CLEC9A: variants seen among roughly 807,000 people sequenced by gnomAD.
The protein encoded by CLEC9A is C-type lectin domain containing 9A, also known as C-type lectin domain family 9 member A.
Under a neutral mutation model 30.0 loss-of-function variants are expected in CLEC9A, and 24 were observed. That is an observed-to-expected ratio of 0.80 (90% CI 0.58 to 1.13). CLEC9A has a LOEUF of 1.13. CLEC9A is among the 50% of genes most tolerant of loss of function. The pLI, the probability that CLEC9A is intolerant of heterozygous loss-of-function variation, is 0.00. For synonymous variants in CLEC9A, 111 were observed against 96.8 expected, an observed-to-expected ratio of 1.15 and a Z score of -0.86; for missense variants, 251 against 280.9, an observed-to-expected ratio of 0.89 and a Z score of 0.76.
At chr12:10,042,591 G>A (rs1473384925) in intron 2 of CLEC9A, among the ~76,000 whole-genome samples, 7 of 152,292 alleles carry the variant, frequency 4.6e-5, no homozygotes, top group Middle Eastern at 6.8e-3. Flanking sequence ...AGCTCAAGGA[G>A]CATAGATTTT....
At chr12:10,033,526 G>A (rs1865717827) in intron 1 of CLEC9A, among the ~76,000 whole-genome samples, 1 of 152,130 alleles carries the variant, frequency 6.6e-6, no homozygotes, top group Non-Finnish European at 1.5e-5. Context: ...TTCCCAATGA[G>A]TTTCTCCATC....
chr12:10,053,211 C>G (rs1160884107), intron 4 of CLEC9A, among the ~76,000 whole-genome samples: 3 of 152,192 alleles, frequency 2.0e-5, no homozygotes, highest in Non-Finnish European at 4.4e-5. Flanking sequence ...CGTTTAATAT[C>G]TATGTTAATT....
chr12:10,047,674 T>C (rs766145365), intron 2 of CLEC9A, among the ~76,000 whole-genome samples: 3 of 152,242 alleles, frequency 2.0e-5, no homozygotes, highest in Non-Finnish European at 4.4e-5. Flanking sequence ...CACTAATTAT[T>C]TGGCTTCCTA....
chr12:10,035,641 C>G (rs1266430062), intron 1 of CLEC9A, among the ~76,000 whole-genome samples: 1 of 152,176 alleles, frequency 6.6e-6, no homozygotes, highest in Non-Finnish European at 1.5e-5. Context: ...CAGGGTCTGG[C>G]TCTGTCACCC....
At chr12:10,050,206 C>G (rs76400296) in intron 2 of CLEC9A, among the ~76,000 whole-genome samples, 3,104 of 151,952 alleles carry the variant, frequency 0.02, 114 homozygotes, top group African/African-American at 0.071. Flanking sequence ...GGTGGGTCCC[C>G]CAAACAATTA....
chr12:10,059,104 G>C (rs757049725), intron 5 of CLEC9A, among the ~76,000 whole-genome samples: 1 of 151,934 alleles, frequency 6.6e-6, no homozygotes, highest in Non-Finnish European at 1.5e-5. Flanking sequence ...ATCTAATAAT[G>C]ATTAACATAT....
chr12:10,040,842 A>G (rs1565588889), intron 1 of CLEC9A: 2 of 182,328 alleles, frequency 1.1e-5, no homozygotes, highest in Middle Eastern at 2.1e-3. Flanking sequence ...TATTTTTTAC[A>G]TCTAGCTGTC....
intron 1 of CLEC9A, among the ~76,000 whole-genome samples, chr12:10,037,909 G>A (rs1029099210): frequency 6.6e-6 from 1 of 152,116 alleles, no homozygotes; most frequent in Non-Finnish European, 1.5e-5. Flanking sequence ...AAGAACGTGG[G>A]CTGGTGTGTA....
intron 6 of CLEC9A, 59 bp from the exon 7 acceptor site, chr12:10,062,996 G>A: frequency 6.9e-7 from 1 of 1,448,942 alleles, no homozygotes; most frequent in Non-Finnish European, 9.2e-7. Flanking sequence ...CTTTTTGGAG[G>A]GATATATGTT....
chr12:10,063,028 A>G (rs913114376), intron 6 of CLEC9A, 27 bp from the exon 7 acceptor site: 2 of 1,565,476 alleles, frequency 1.3e-6, no homozygotes, highest in Non-Finnish European at 8.6e-7. Flanking sequence ...ACAATAAGAT[A>G]CTAAAGTAAA....
intron 1 of CLEC9A, among the ~76,000 whole-genome samples, chr12:10,039,061 G>A (rs1351552105): frequency 1.3e-5 from 2 of 152,210 alleles, no homozygotes; most frequent in African/African-American, 4.8e-5. Context: ...GCAGGGGTGA[G>A]CCTTCCCCAT....
chr12:10,032,033 C>G (rs1865702270), intron 1 of CLEC9A, among the ~76,000 whole-genome samples: 1 of 151,966 alleles, frequency 6.6e-6, no homozygotes, highest in Non-Finnish European at 1.5e-5. Context: ...GAGGGAATTG[C>G]AAATTAAAAC....
intron 1 of CLEC9A, among the ~76,000 whole-genome samples, chr12:10,039,623 C>A (rs906868224): frequency 6.6e-6 from 1 of 152,104 alleles, no homozygotes; most frequent in Non-Finnish European, 1.5e-5. Context: ...CTAAAATTTG[C>A]GTCATCCCAC....
chr12:10,047,064 A>G (rs1201020271), intron 2 of CLEC9A, among the ~76,000 whole-genome samples: 1 of 152,160 alleles, frequency 6.6e-6, no homozygotes, highest in African/African-American at 2.4e-5. Flanking sequence ...TTGAATCTTT[A>G]TCTTTTTTCT....
At chr12:10,061,017 T>C (rs1048982646) in intron 5 of CLEC9A, 110 bp from the exon 6 acceptor site, 5 of 1,290,834 alleles carry the variant, frequency 3.9e-6, no homozygotes, top group Admixed American at 3.3e-5. Context: ...ATAATACAAA[T>C]TCAAGTCTCA....
intron 2 of CLEC9A, among the ~76,000 whole-genome samples, chr12:10,043,021 A>C (rs1163458901): frequency 1.3e-5 from 2 of 152,232 alleles, no homozygotes; most frequent in Non-Finnish European, 2.9e-5. Context: ...TTTTACCTGC[A>C]TCCTACAAGC....
At chr12:10,046,085 CACTTAAAGT>C (rs772905425) in intron 2 of CLEC9A, among the ~76,000 whole-genome samples, 6 of 152,200 alleles carry the variant, frequency 3.9e-5, no homozygotes, top group Non-Finnish European at 5.9e-5. Context: ...TAGATAATGT[CACTTAAAGT>C]ACAATCATGA....
chr12:10,047,923 C>T (rs1422928684), intron 2 of CLEC9A, among the ~76,000 whole-genome samples: 1 of 152,008 alleles, frequency 6.6e-6, no homozygotes, highest in East Asian at 1.9e-4. Flanking sequence ...GATGCAGATG[C>T]GGCTATTTTT....
intron 5 of CLEC9A, among the ~76,000 whole-genome samples, chr12:10,056,268 A>G (rs894794037): frequency 6.6e-6 from 1 of 152,060 alleles, no homozygotes; most frequent in Non-Finnish European, 1.5e-5. Context: ...GTACCTATAG[A>G]TAAACCTGCA....
Sources: gnomAD v4.1 joint callset for allele counts (sites outside exome capture counted in the v4.1 genomes callset) on GRCh38, gnomAD v4.1.1 for gene constraint, MANE v1.5 for transcripts, NCBI Gene and HGNC (gene_info 2026-07-23, HGNC 2026-07-21) for gene names.